The following NREP variants were observed in gnomAD, a reference collection of about 807,000 sequenced individuals.
NREP encodes neuronal regeneration-related protein.
A neutral mutation model predicts 8.6 loss-of-function variants in NREP; 5 were observed. That is an observed-to-expected ratio of 0.58 (90% CI 0.30 to 1.22). The LOEUF is 1.22. Among genes scored for constraint, NREP ranks in the 50% most tolerant of loss-of-function variants. NREP has a pLI of 0.07. For missense variants in NREP, 86 were observed against 82.5 expected (o/e 1.04, Z -0.17); for synonymous variants, 27 against 28.0 (o/e 0.96, Z 0.11).
At chr5:111,750,726 TC>T (rs1290690218) in intron 2 of NREP, among the ~76,000 whole-genome samples, 1 of 152,208 alleles carries the variant, frequency 6.6e-6, no homozygotes, top group African/African-American at 2.4e-5. Flanking sequence ...GCTAGAAAGT[TC>T]CAATACTGGG....
At chr5:111,872,132 G>A (rs1410491912) in intron 2 of NREP, among the ~76,000 whole-genome samples, 1 of 151,962 alleles carries the variant, frequency 6.6e-6, no homozygotes, top group Admixed American at 6.6e-5. Context: ...GATTATGGGG[G>A]CTGCAAGTCT....
intron 2 of NREP, chr5:111,846,389 C>G (rs943945367): frequency 4.0e-5 from 5 of 125,596 alleles, no homozygotes; most frequent in East Asian, 5.0e-4. Flanking sequence ...TGGTTAGTCA[C>G]TTCCCTTTGC....
intron 2 of NREP, among the ~76,000 whole-genome samples, chr5:111,927,320 A>C (rs909647176): frequency 1.3e-5 from 2 of 152,288 alleles, no homozygotes; most frequent in African/African-American, 4.8e-5. Flanking sequence ...TCAAGACTCA[A>C]AATGGGAAAA....
At chr5:111,867,748 T>G (rs1234626805) in intron 2 of NREP, among the ~76,000 whole-genome samples, 1 of 152,182 alleles carries the variant, frequency 6.6e-6, no homozygotes, top group Non-Finnish European at 1.5e-5. Context: ...TACCCTTATC[T>G]GATGCTGTAT....
At chr5:111,754,602 A>G (rs1387060912) in intron 2 of NREP, among the ~76,000 whole-genome samples, 1 of 152,246 alleles carries the variant, frequency 6.6e-6, no homozygotes, top group Non-Finnish European at 1.5e-5. Flanking sequence ...AACCATTTGC[A>G]CAAAATCCAT....
chr5:111,976,807 T>G, exon 1 of NREP: 1 of 1,365,080 alleles, frequency 7.3e-7, no homozygotes, highest in Non-Finnish European at 1.0e-6. Flanking sequence ...TTGCCGGGAG[T>G]TGGCCAGACA....
intron 2 of NREP, among the ~76,000 whole-genome samples, chr5:111,943,813 T>A (rs992116261): frequency 2.6e-5 from 4 of 152,122 alleles, no homozygotes; most frequent in African/African-American, 9.7e-5. Context: ...TTTGGATTTT[T>A]CCGATTAGCT....
At chr5:111,907,099 CT>C (rs1365217547) in intron 2 of NREP, among the ~76,000 whole-genome samples, 1 of 152,102 alleles carries the variant, frequency 6.6e-6, no homozygotes, top group Admixed American at 6.6e-5. Context: ...CAAGTTCCTT[CT>C]CAGAAAAGTC....
intron 2 of NREP, among the ~76,000 whole-genome samples, chr5:111,955,481 A>AT (rs1398975199): frequency 8.9e-6 from 1 of 112,736 alleles, no homozygotes; most frequent in Admixed American, 8.5e-5. Context: ...AAAAAAAAAA[A>AT]CAAAAAACAA....
intron 2 of NREP, among the ~76,000 whole-genome samples, chr5:111,931,767 CA>C: frequency 6.6e-6 from 1 of 152,150 alleles, no homozygotes; most frequent in Non-Finnish European, 1.5e-5. Context: ...ATCCTAAAAC[CA>C]GAGAATTACA....
chr5:111,902,767 G>C (rs1029338733), intron 2 of NREP, among the ~76,000 whole-genome samples: 1 of 152,050 alleles, frequency 6.6e-6, no homozygotes, highest in Non-Finnish European at 1.5e-5. Context: ...CAATGTTCCT[G>C]CTCCTTCTCA....
chr5:111,755,563 T>C (rs959204580), intron 2 of NREP: 14 of 616,126 alleles, frequency 2.3e-5, no homozygotes, highest in African/African-American at 1.5e-4. Context: ...TTCAAAATAA[T>C]TGCAAGTCAA....
At chr5:111,902,677 C>A (rs576845525) in intron 2 of NREP, among the ~76,000 whole-genome samples, 1 of 152,072 alleles carries the variant, frequency 6.6e-6, no homozygotes, top group African/African-American at 2.4e-5. Context: ...ATTACAAGAA[C>A]GTTTTGAGAA....
intron 2 of NREP, among the ~76,000 whole-genome samples, chr5:111,881,432 T>G (rs946178769): frequency 8.5e-5 from 13 of 152,282 alleles, no homozygotes; most frequent in Admixed American, 4.6e-4. Context: ...AGCAGTAACC[T>G]CTGCAGACTT....
intron 2 of NREP, among the ~76,000 whole-genome samples, chr5:111,736,524 GT>G (rs1246569669): frequency 6.6e-6 from 1 of 152,120 alleles, no homozygotes; most frequent in Non-Finnish European, 1.5e-5. Context: ...TTAGATGTGT[GT>G]TTACATTTTG....
At chr5:111,929,171 AAGC>A (rs1755471353) in intron 2 of NREP, among the ~76,000 whole-genome samples, 1 of 152,198 alleles carries the variant, frequency 6.6e-6, no homozygotes, top group Non-Finnish European at 1.5e-5. Flanking sequence ...CTTTTGCTAG[AAGC>A]TTAACTTTTT....
At chr5:111,951,197 G>C (rs998328559) in intron 2 of NREP, among the ~76,000 whole-genome samples, 2 of 151,930 alleles carry the variant, frequency 1.3e-5, no homozygotes, top group Non-Finnish European at 2.9e-5. Flanking sequence ...GTGCTATGGA[G>C]GGCTTCTGTT....
chr5:111,904,426 C>G (rs1398672562), intron 2 of NREP, among the ~76,000 whole-genome samples: 1 of 152,040 alleles, frequency 6.6e-6, no homozygotes, highest in Non-Finnish European at 1.5e-5. Context: ...TGTCTTCTTC[C>G]CAAACCCCTG....
chr5:111,889,148 G>C (rs758207705), intron 2 of NREP, among the ~76,000 whole-genome samples: 1 of 152,242 alleles, frequency 6.6e-6, no homozygotes, highest in Non-Finnish European at 1.5e-5. Flanking sequence ...CTGACTCATG[G>C]TTCTGCAGGC....
Sources: gnomAD v4.1 joint callset for allele counts (sites outside exome capture counted in the v4.1 genomes callset) on GRCh38, gnomAD v4.1.1 for gene constraint, MANE v1.5 for transcripts, NCBI Gene and HGNC (gene_info 2026-07-23, HGNC 2026-07-21) for gene names.